DHX38: variants seen among roughly 807,000 people sequenced by gnomAD.
DHX38 encodes DEAH-box helicase 38, also known as pre-mRNA-splicing factor ATP-dependent RNA helicase PRP16.
A neutral mutation model predicts 153.1 loss-of-function variants in DHX38; 100 were observed. That is an observed-to-expected ratio of 0.65 (90% CI 0.56 to 0.77). The LOEUF (loss-of-function observed/expected upper bound fraction) is 0.77. Ranked by LOEUF, DHX38 falls within the 30% of genes least tolerant of loss-of-function variation. The pLI is 0.00. For synonymous variants in DHX38, 650 were observed against 631.7 expected, an observed-to-expected ratio of 1.03 and a Z score of -0.43; for missense variants, 1,440 against 1,654.0, an observed-to-expected ratio of 0.87 and a Z score of 2.24.
In DHX38 at chr16:72,105,615, C is replaced by A. The variant is rs776472233; in HGVS notation, c.2478C>A (p.Cys826Ter). Residue 826 changes from cysteine to a stop codon, truncating the protein, a stop_gained, in exon 18 of 27, where the codon TGC becomes TGA. Coordinates refer to ENST00000268482, the MANE Select transcript of DHX38 (RefSeq NM_014003.4). LOFTEE classifies it high-confidence loss of function. ...GIMFVIDSGYCKLKVFNPRIG... is the reference protein window; with the variant it reads ...GIMFVIDSGY ...TGTTTGTTATCGATTCTGGTTATTG[C>A]AAATTAAAGGTAAGAGAAGACATGG... The A allele has an allele frequency of 6.2e-7, 1 of 1,613,990 alleles. No homozygotes were observed. Among genetic ancestry groups the A allele is most frequent in the Non-Finnish European group, 8.5e-7 (1 of 1,180,022 alleles).
intron 25 of DHX38, among the ~76,000 whole-genome samples, chr16:72,110,589 C>G (rs2042242834): frequency 6.6e-6 from 1 of 152,236 alleles, no homozygotes; most frequent in African/African-American, 2.4e-5. Context: ...GCATAATTCT[C>G]CCCATACCAG....
chr16:72,106,016 C>G lies in DHX38; in HGVS notation c.2499C>G (p.Pro833=). ...CCGTCCCCTCCTAGGTCTTCAACCC[C>G]AGGATTGGCATGGATGCTCTGCAGA... ...SGYCKLKVFN[P]RIGMDALQIY... The change falls in exon 19 of 27, where the codon CCC becomes CCG. Residue 833 remains proline, a synonymous_variant. Transcript: ENST00000268482. 1.9e-6 allele frequency: 3 copies of G among 1,614,094 alleles called. No individual in the cohort carries two copies. The highest frequency in any genetic ancestry group is 1.7e-6 in the Non-Finnish European group (2 of 1,179,968).
In DHX38 at chr16:72,097,775, C is replaced by T. The variant is rs1207037408; in HGVS notation, c.610C>T (p.Pro204Ser). 2.5e-6 allele frequency: 4 copies of T among 1,613,148 alleles called. No homozygotes were observed. The African/African-American group carries it at 4.0e-5, about 16-fold the overall frequency. Residue 204 changes from proline (P) to serine (S), a missense_variant, in exon 4 of 27, where the codon CCT (proline) becomes TCT (serine). Physicochemically the swap from Pro to Ser is moderately conservative, Grantham distance 74 (BLOSUM62 -1). This residue lies in a region of DHX38 where 483 missense variants were observed against 465.1 expected (regional missense o/e 1.04). Transcript: ENST00000268482. ...RNEPESPRHR[P>S]KDAATPSRST... Reference sequence around the variant, plus strand: ...TGAACCCGAGAGCCCACGACATCGACCTAAAGGTAGACTCACTGTTTTGGT... The same window carrying T: ...TGAACCCGAGAGCCCACGACATCGATCTAAAGGTAGACTCACTGTTTTGGT...
intron 4 of DHX38, 107 bp from the exon 5 acceptor site, chr16:72,098,538 G>A: frequency 7.0e-7 from 1 of 1,423,002 alleles, no homozygotes; most frequent in Non-Finnish European, 9.5e-7. Context: ...GCAAGGTTTA[G>A]AAATAGTAAA....
intron 26 of DHX38, 82 bp downstream of exon 26, chr16:72,111,159 G>C: frequency 6.9e-7 from 1 of 1,455,456 alleles, no homozygotes; most frequent in Non-Finnish European, 9.1e-7. Flanking sequence ...TGCAGGGTCA[G>C]GATTTATGGG....
chr16:72,096,708 G>A (rs995333036), intron 2 of DHX38, 114 bp from the exon 3 acceptor site: 31 of 1,492,580 alleles, frequency 2.1e-5, no homozygotes, highest in Middle Eastern at 2.5e-4. Flanking sequence ...GTGAGCCTGC[G>A]TCCCAGGGAG....
At chr16:72,097,033 A>C (rs768904320) in intron 3 of DHX38, 24 bp downstream of exon 3, 2 of 1,588,018 alleles carry the variant, frequency 1.3e-6, no homozygotes, top group African/African-American at 2.7e-5. Flanking sequence ...CACAGTTCCT[A>C]TTGTCCATTA....
chr16:72,096,312 A>G lies in DHX38; in HGVS notation c.155A>G (p.Asp52Gly). Residue 52 changes from aspartate to glycine, a missense_variant, in exon 2 of 27, where the codon GAC becomes GGC. Asp to Gly is a moderately conservative substitution (Grantham distance 94). Transcript: ENST00000268482. ...CCCCGCCCTTCATTACTCGGACTGG[A>G]CTTGCTGGCTTCCCTGAAACGGAGA... The part of the protein sequence containing the change: ...PAPRPSLLGL[D>G]LLASLKRRER... 6.2e-7 allele frequency: 1 copy of G among 1,614,172 alleles called. No individual in the cohort carries two copies. Among genetic ancestry groups the G allele is most frequent in the Non-Finnish European group, 8.5e-7 (1 of 1,180,030 alleles).
chr16:72,103,762 G>C lies in DHX38; in HGVS notation c.1798G>C (p.Glu600Gln), dbSNP rs777409230. The stretch of plus-strand genomic sequence containing the variant: ...GTCAGTGGCCAAGAGAGTCAGTGAA[G>C]AGATGGGGGGAAACCTTGGCGAGGA... ...AMSVAKRVSE[E>Q]MGGNLGEEVG... The change falls in exon 13 of 27, where the codon GAG (glutamate) becomes CAG (glutamine). Residue 600 changes from glutamate (E) to glutamine (Q), a missense_variant. Physicochemically the swap from Glu to Gln is conservative, Grantham distance 29 (BLOSUM62 2). Coordinates refer to ENST00000268482, the MANE Select transcript of DHX38 (RefSeq NM_014003.4). The C allele has an allele frequency of 1.2e-6, 2 of 1,612,838 alleles. No individual in the cohort carries two copies. Among genetic ancestry groups the C allele is most frequent in the Non-Finnish European group, 1.7e-6 (2 of 1,178,828 alleles).
intron 10 of DHX38, 24 bp downstream of exon 10, chr16:72,101,217 G>A (rs1453577277): frequency 1.2e-6 from 2 of 1,613,146 alleles, no homozygotes; most frequent in Admixed American, 3.3e-5. Context: ...TTTCGTGGCT[G>A]GGAAGTTTAT....
Position 72,106,078 on chromosome 16 carries a change from C to G in DHX38, c.2561C>G (p.Ser854Ter). The G allele has an allele frequency of 6.2e-7, 1 of 1,614,230 alleles. No individual in the cohort carries two copies. Among genetic ancestry groups the G allele is most frequent in the Non-Finnish European group, 8.5e-7 (1 of 1,180,052 alleles). Residue 854 changes from serine (S) to a stop codon, truncating the protein, a stop_gained, in exon 19 of 27, where the codon TCA (serine) becomes TGA (stop). Coordinates refer to ENST00000268482, the MANE Select transcript of DHX38 (RefSeq NM_014003.4). LOFTEE classifies it high-confidence loss of function. ...PISQANANQRSGRAGRTGPGQ... is the reference protein window; with the variant it reads ...PISQANANQR ...AGCCAGGCCAATGCCAACCAGCGGTCAGGGCGAGCCGGCAGGACGGGCCCA... is the reference window on the plus strand; with the variant it reads ...AGCCAGGCCAATGCCAACCAGCGGTGAGGGCGAGCCGGCAGGACGGGCCCA...
Position 72,108,250 on chromosome 16 carries a change from A to T in DHX38, c.2988A>T (p.Gln996His), listed in dbSNP as rs1334434944. ...RPKGREEESD[Q>H]IREKFAVPES... is the part of the protein sequence containing the mutation. ...AGGGTCGAGAGGAGGAGAGTGATCA[A>T]ATCCGGGAGAAGTTCGCTGTTCCTG... The change falls in exon 22 of 27, where the codon CAA becomes CAT. Residue 996 changes from glutamine to histidine, a missense_variant. By Grantham distance (24) the Gln-to-His change is conservative (BLOSUM62 0). This residue lies in a region of DHX38 where 543 missense variants were observed against 717.9 expected (regional missense o/e 0.76). Transcript: ENST00000268482. The T allele has an allele frequency of 6.2e-7, 1 of 1,614,052 alleles. No individual in the cohort carries two copies. Among genetic ancestry groups the T allele is most frequent in the Non-Finnish European group, 8.5e-7 (1 of 1,180,012 alleles).
chr16:72,103,716 G>C lies in DHX38; in HGVS notation c.1752G>C (p.Gln584His). The C allele has an allele frequency of 6.2e-7, 1 of 1,614,122 alleles. No individual in the cohort carries two copies. Among genetic ancestry groups the C allele is most frequent in the Non-Finnish European group, 8.5e-7 (1 of 1,179,966 alleles). Reference sequence around the variant, plus strand: ...ACTATGGGATGATTGGGTGTACCCAGCCCCGGCGTGTAGCTGCCATGTCAG... The same window carrying C: ...ACTATGGGATGATTGGGTGTACCCACCCCCGGCGTGTAGCTGCCATGTCAG... ...YTDYGMIGCT[Q>H]PRRVAAMSVA... The change falls in exon 13 of 27, where the codon CAG (glutamine) becomes CAC (histidine). Residue 584 changes from glutamine to histidine, a missense_variant. Gln to His is a conservative substitution (Grantham distance 24). Coordinates refer to ENST00000268482, the MANE Select transcript of DHX38 (RefSeq NM_014003.4).
rs1175784265 is a variant in DHX38 at position 72,111,046 on chromosome 16, C to T, written c.3568C>T (p.Gln1190Ter). 6.4e-7 allele frequency: 1 copy of T among 1,574,106 alleles called. No homozygotes were observed. The highest frequency in any genetic ancestry group is 2.3e-5 in the East Asian group (1 of 42,848). Residue 1190 changes from glutamine to a stop codon, truncating the protein, a stop_gained, in exon 26 of 27, where the codon CAG (glutamine) becomes TAG (stop). Coordinates refer to ENST00000268482, the MANE Select transcript of DHX38 (RefSeq NM_014003.4). LOFTEE classifies it high-confidence loss of function. ...EEQLRARRQE[Q>*]EKRSPLGSVR... Reference sequence around the variant, plus strand: ...GCAGCTGCGAGCCCGGCGGCAGGAGCAGGAGAAGCGCAGCCCCCTGGGCAG... The same window carrying T: ...GCAGCTGCGAGCCCGGCGGCAGGAGTAGGAGAAGCGCAGCCCCCTGGGCAG...
At chr16:72,110,313 C>T (rs762954426) in intron 25 of DHX38, among the ~76,000 whole-genome samples, 4 of 152,322 alleles carry the variant, frequency 2.6e-5, no homozygotes, top group Non-Finnish European at 4.4e-5. Context: ...AATTAGATCC[C>T]GGCTGAGCTG....
At chr16:72,108,645 T>C in intron 23 of DHX38, 38 bp downstream of exon 23, 2 of 1,605,930 alleles carry the variant, frequency 1.2e-6, no homozygotes, top group Non-Finnish European at 8.5e-7. Flanking sequence ...CCCAGCCTGA[T>C]ACCTGTATAA....
At chr16:72,108,760 T>C (rs769884621) in intron 23 of DHX38, 40 bp from the exon 24 acceptor site, 6 of 1,605,210 alleles carry the variant, frequency 3.7e-6, no homozygotes, top group Non-Finnish European at 5.1e-6. Context: ...AAATGGGTGT[T>C]GTTTTCCTGA....
intron 6 of DHX38, 39 bp from the exon 7 acceptor site, chr16:72,099,165 G>A: frequency 6.3e-7 from 1 of 1,596,826 alleles, no homozygotes; most frequent in Non-Finnish European, 8.5e-7. Flanking sequence ...CTGGGGACAG[G>A]CCAGGGCATG....
intron 9 of DHX38, 117 bp from the exon 10 acceptor site, chr16:72,100,969 G>T: frequency 9.8e-7 from 1 of 1,017,786 alleles, no homozygotes; most frequent in South Asian, 1.4e-5. Context: ...AGAAGAGAAG[G>T]GAGAAAATAG....
Sources: allele counts gnomAD v4.1 joint callset (sites outside exome capture counted in the v4.1 genomes callset), GRCh38; gene constraint gnomAD v4.1.1; regional missense constraint gnomAD v4.1.1; transcripts MANE v1.5; gene names NCBI Gene and HGNC (gene_info 2026-07-23, HGNC 2026-07-21).